CIMAP1B: variants seen among roughly 807,000 people sequenced by gnomAD.
CIMAP1B encodes the protein ciliary microtubule associated protein 1B, also known as orf2 5' to PD-ECGF/TP.
At chr22:50,531,889 G>A in the CIMAP1B span, 2 of 1,315,760 alleles carry the variant, frequency 1.5e-6, no homozygotes, top group Non-Finnish European at 2.0e-6. Flanking sequence ...TCAGCCCCGA[G>A]CGCAGGCCTC....
At chr22:50,532,074 C>CCATA in the CIMAP1B span, 2 of 1,368,282 alleles carry the variant, frequency 1.5e-6, no homozygotes, top group Non-Finnish European at 1.9e-6. Flanking sequence ...GCGTCCGAGC[C>CCATA]CATAGCGCGG....
At chr22:50,531,558 G>C in the CIMAP1B span, 2 of 1,426,830 alleles carry the variant, frequency 1.4e-6, no homozygotes, top group Non-Finnish European at 1.8e-6. Context: ...CCAGGGGCCC[G>C]GGGGTCCTGA....
At chr22:50,530,442 T>TTTC in the CIMAP1B span, 2 of 1,556,160 alleles carry the variant, frequency 1.3e-6, no homozygotes, top group South Asian at 2.3e-5. Context: ...CTCGCAGACT[T>TTTC]TAAGCAAACA....
At chr22:50,531,602 C>A in the CIMAP1B span, 1 of 1,389,936 alleles carries the variant, frequency 7.2e-7, no homozygotes. Context: ...CGCTGAGCGG[C>A]GTGGGCGGCC....
At chr22:50,531,017 C>T in the CIMAP1B span, 4 of 1,610,988 alleles carry the variant, frequency 2.5e-6, no homozygotes, top group Non-Finnish European at 3.4e-6. Flanking sequence ...TTGCCGATGA[C>T]GCGCGGACCC....
the CIMAP1B span, chr22:50,532,146 C>A: frequency 2.3e-6 from 3 of 1,318,312 alleles, no homozygotes; most frequent in Non-Finnish European, 2.9e-6. Flanking sequence ...GGCCCCTGCA[C>A]CGCAAATTCT....
the CIMAP1B span, chr22:50,531,319 G>C: frequency 6.3e-7 from 1 of 1,579,948 alleles, no homozygotes; most frequent in Non-Finnish European, 8.6e-7. Context: ...CAAGGGTGTG[G>C]GGGGCTAGAA....
the CIMAP1B span, chr22:50,530,738 C>T: frequency 2.5e-6 from 4 of 1,611,580 alleles, no homozygotes; most frequent in Non-Finnish European, 3.4e-6. Flanking sequence ...GCCGCGGGCC[C>T]TGGCTTCCGA....
chr22:50,531,187 T>C, the CIMAP1B span: 4 of 1,611,360 alleles, frequency 2.5e-6, no homozygotes, highest in Non-Finnish European at 3.4e-6. Flanking sequence ...CGTTCTGACC[T>C]CACCTGGGCT....
the CIMAP1B span, chr22:50,530,911 T>C: frequency 6.2e-7 from 1 of 1,609,348 alleles, no homozygotes; most frequent in Non-Finnish European, 8.5e-7. Context: ...AGGGACCCCC[T>C]GCGTCCGCCC....
At chr22:50,531,109 G>A in the CIMAP1B span, 2 of 1,589,548 alleles carry the variant, frequency 1.3e-6, no homozygotes, top group African/African-American at 1.3e-5. Flanking sequence ...GACAGGCGCA[G>A]GGTGGTCCCA....
the CIMAP1B span, chr22:50,530,742 C>T: frequency 1.2e-6 from 2 of 1,610,524 alleles, no homozygotes; most frequent in East Asian, 4.5e-5. Flanking sequence ...CGGGCCCTGG[C>T]TTCCGAGTGT....
the CIMAP1B span, chr22:50,531,987 T>G: frequency 1.2e-5 from 16 of 1,341,918 alleles, no homozygotes; most frequent in African/African-American, 1.4e-4. Flanking sequence ...GGCGGCAGCT[T>G]GTATTTGGGC....
At chr22:50,531,698 G>C in the CIMAP1B span, 18 of 1,368,414 alleles carry the variant, frequency 1.3e-5, no homozygotes, top group Non-Finnish European at 1.7e-5. Context: ...GCCGCACGTC[G>C]TCTGCTGCGT....
the CIMAP1B span, chr22:50,531,393 G>A: frequency 8.7e-7 from 1 of 1,152,014 alleles, no homozygotes; most frequent in Non-Finnish European, 1.2e-6. Flanking sequence ...TCTGAGCCAC[G>A]ATTTATCAAA....
At chr22:50,531,599 C>G in the CIMAP1B span, 1 of 1,397,688 alleles carries the variant, frequency 7.2e-7, no homozygotes, top group Non-Finnish European at 9.3e-7. Context: ...GGGCGCTGAG[C>G]GGCGTGGGCG....
the CIMAP1B span, chr22:50,531,334 G>T: frequency 6.7e-7 from 1 of 1,500,034 alleles, no homozygotes; most frequent in Admixed American, 2.1e-5. Context: ...CTAGAACTGC[G>T]TGGGAGCCTG....
chr22:50,531,321 G>A, the CIMAP1B span: 2 of 1,560,444 alleles, frequency 1.3e-6, no homozygotes, highest in South Asian at 1.1e-5. Flanking sequence ...AGGGTGTGGG[G>A]GGCTAGAACT....
chr22:50,531,471 G>A, the CIMAP1B span: 16 of 1,127,678 alleles, frequency 1.4e-5, no homozygotes, highest in Non-Finnish European at 2.0e-5. Flanking sequence ...CGGTGTTAGG[G>A]TATCCGAGGG....
Sources: allele counts gnomAD v4.1 joint callset, GRCh38; gene constraint gnomAD v4.1.1; transcripts MANE v1.5; gene names NCBI Gene and HGNC (gene_info 2026-07-23, HGNC 2026-07-21).